Variants in COL5A1 observed in about 807,000 individuals in gnomAD.
COL5A1 encodes collagen alpha-1(V) chain.
Under a neutral mutation model 263.7 loss-of-function variants are expected in COL5A1, and 16 were observed. The ratio of observed to expected loss-of-function variants is 0.06; its 90% CI spans 0.04 to 0.09. The LOEUF is 0.09. Ranked by LOEUF, COL5A1 falls within the 10% of genes least tolerant of loss-of-function variation. The pLI is 1.00. For synonymous variants in COL5A1, 1,012 were observed against 1,004.5 expected, an observed-to-expected ratio of 1.01 and a Z score of -0.14; for missense variants, 2,036 against 2,540.5, an observed-to-expected ratio of 0.80 and a Z score of 4.27.
intron 1 of COL5A1, among the ~76,000 whole-genome samples, chr9:134,671,173 G>A (rs534926913): frequency 1.3e-5 from 2 of 152,290 alleles, no homozygotes; most frequent in South Asian, 2.1e-4. Flanking sequence ...GAGGGCAGAC[G>A]GAGCTGTTCA....
chr9:134,817,860 C>G, intron 54 of COL5A1, 29 bp downstream of exon 54: 1 of 1,577,482 alleles, frequency 6.3e-7, no homozygotes, highest in Non-Finnish European at 8.6e-7. Context: ...AGGCTGTGAC[C>G]GCGTAGACCT....
In COL5A1 at chr9:134,842,494, C is replaced by T. The variant is rs1830137361; in HGVS notation, c.*191C>T. Reference sequence around the variant, plus strand: ...GAGAGAACAGAGGGAAGGAGCCGCGCCCCCACCTGGAGCTGAATCACATGA... The same window carrying T: ...GAGAGAACAGAGGGAAGGAGCCGCGTCCCCACCTGGAGCTGAATCACATGA... On this transcript the variant is annotated 3_prime_UTR_variant, in exon 66 of 66. Transcript: ENST00000371817. This position sits in a 1 kb window ranked among gnomAD's most constrained non-coding sequence, Gnocchi z 5.8. The T allele has an allele frequency of 4.4e-6, 3 of 683,726 alleles. No homozygotes were observed. Among genetic ancestry groups the T allele is most frequent in the Admixed American group, 2.4e-5 (1 of 41,320 alleles). The allele number at this position is 683,726 out of a possible 1,614,324, so 42.4% of individuals were successfully genotyped here.
chr9:134,695,366 C>T (rs928575857), intron 2 of COL5A1, among the ~76,000 whole-genome samples: 5 of 152,214 alleles, frequency 3.3e-5, no homozygotes, highest in African/African-American at 7.2e-5. Context: ...TCGCTGCCCC[C>T]GCCAGTACCT....
chr9:134,654,073 TGTGTGTAGGGCTGGGG>T (rs1831798725), intron 1 of COL5A1, among the ~76,000 whole-genome samples: 1 of 23,828 alleles, frequency 4.2e-5, no homozygotes, highest in African/African-American at 1.8e-4. Context: ...CAGGGCTGGG[TGTGTGTAGGGCTGGGG>T]GTGTGTAGGA....
At chr9:134,825,536 C>T (rs565228042) in intron 62 of COL5A1, among the ~76,000 whole-genome samples, 10 of 152,278 alleles carry the variant, frequency 6.6e-5, no homozygotes, top group African/African-American at 2.4e-4. Flanking sequence ...CCCCAACCCT[C>T]CTGGCCACCA....
chr9:134,806,337 A>G, intron 42 of COL5A1, 41 bp downstream of exon 42: 1 of 1,410,684 alleles, frequency 7.1e-7, no homozygotes, highest in Non-Finnish European at 9.8e-7. Context: ...TCCCTCAGAG[A>G]TGCTGGGGTC....
At chr9:134,786,113 C>A in intron 31 of COL5A1, 65 bp downstream of exon 31, 4 of 1,428,332 alleles carry the variant, frequency 2.8e-6, no homozygotes, top group Non-Finnish European at 3.9e-6. Context: ...GTCTCCCCAC[C>A]CTGCATCCGG....
chr9:134,696,812 T>C lies in COL5A1; in HGVS notation c.278-3097T>C, dbSNP rs1276392262. Among the ~76,000 whole-genome samples, 1 of 152,130 alleles carries C rather than the reference T, an allele frequency of 6.6e-6. No individual in the cohort carries two copies. Among genetic ancestry groups the C allele is most frequent in the East Asian group, 1.9e-4 (1 of 5,172 alleles). ...CTGGCCGGGCGGGGTGGCTCACACC[T>C]GTAATCCCAGCACTTTGGGAGGCCA... On this transcript the variant is annotated intron_variant, in intron 2 of 65. Coordinates refer to ENST00000371817, the MANE Select transcript of COL5A1 (RefSeq NM_000093.5). This position sits in a 1 kb window ranked among gnomAD's most constrained non-coding sequence, Gnocchi z 4.3.
Position 134,841,144 on chromosome 9 carries a change from T to A in COL5A1, c.5371-1013T>A, listed in dbSNP as rs188180036. Among the ~76,000 whole-genome samples, 415 of 152,300 alleles carry A rather than the reference T, an allele frequency of 2.7e-3. 12 individuals are homozygous for A. The South Asian group carries it at 0.062, about 23-fold the overall frequency. On this transcript the variant is annotated intron_variant, in intron 65 of 65. Coordinates refer to ENST00000371817, the MANE Select transcript of COL5A1 (RefSeq NM_000093.5). The surrounding 1 kb of genome is among the most constrained non-coding windows in gnomAD (Gnocchi z 4.8). ...ATCATTTCTTTTGGGGATGGGGCAG[T>A]GGAAGGAGATCCTTCCCAGGCCCAG...
In COL5A1 at chr9:134,730,400, C is replaced by G. The variant is rs773870913; in HGVS notation, c.1089C>G (p.Asn363Lys). The part of the protein sequence containing the change: ...DDLTYGEGEE[N>K]PDQPTDPGAG... Reference sequence around the variant, plus strand: ...TCACCTATGGCGAGGGGGAGGAGAACCCCGACCAGCCCACAGACCCAGGCG... The same window carrying G: ...TCACCTATGGCGAGGGGGAGGAGAAGCCCGACCAGCCCACAGACCCAGGCG... Residue 363 changes from asparagine (N) to lysine (K), a missense_variant, in exon 7 of 66, where the codon AAC becomes AAG. By Grantham distance (94) the Asn-to-Lys change is moderately conservative. Transcript: ENST00000371817. 3 of 1,614,104 alleles carry G rather than the reference C, an allele frequency of 1.9e-6. No individual in the cohort carries two copies. Among genetic ancestry groups the G allele is most frequent in the Non-Finnish European group, 2.5e-6 (3 of 1,180,052 alleles).
At chr9:134,796,350 T>A (rs776322747) in intron 34 of COL5A1, 24 bp from the exon 35 acceptor site, 6 of 1,612,640 alleles carry the variant, frequency 3.7e-6, no homozygotes, top group Non-Finnish European at 3.4e-6. Flanking sequence ...CATAAGCTTT[T>A]CCCCCCTCTC....
At chr9:134,784,034 A>C (rs1009640515) in intron 29 of COL5A1, among the ~76,000 whole-genome samples, 1 of 152,036 alleles carries the variant, frequency 6.6e-6, no homozygotes, top group Non-Finnish European at 1.5e-5. Flanking sequence ...CGAGGGTGGG[A>C]TGCAGGGGTG....
intron 27 of COL5A1, among the ~76,000 whole-genome samples, chr9:134,779,164 TTCTC>T (rs148614277): frequency 6.6e-6 from 1 of 152,034 alleles, no homozygotes; most frequent in Non-Finnish European, 1.5e-5. Context: ...GCAGTGTGGC[TTCTC>T]TCTCTCTCTC....
intron 24 of COL5A1, among the ~76,000 whole-genome samples, chr9:134,768,089 G>C (rs1564446706): frequency 6.6e-6 from 1 of 152,210 alleles, no homozygotes; most frequent in Non-Finnish European, 1.5e-5. Context: ...AGAAGGCACA[G>C]CACTGTAAGA....
At chr9:134,655,557 T>A (rs1588408516) in intron 1 of COL5A1, among the ~76,000 whole-genome samples, 2 of 152,214 alleles carry the variant, frequency 1.3e-5, no homozygotes, top group Middle Eastern at 3.4e-3. Flanking sequence ...GACTCAGGAT[T>A]CACATGTGTA....
chr9:134,665,807 G>T (rs1326634431), intron 1 of COL5A1, among the ~76,000 whole-genome samples: 1 of 152,214 alleles, frequency 6.6e-6, no homozygotes, highest in African/African-American at 2.4e-5. Context: ...AAATAAAAAG[G>T]CCAGGCATGG....
chr9:134,763,969 G>C (rs1836560833), intron 20 of COL5A1, among the ~76,000 whole-genome samples: 1 of 150,048 alleles, frequency 6.7e-6, no homozygotes, highest in South Asian at 2.1e-4. Context: ...AGCAAGCCTG[G>C]CCCTCAAGGG....
chr9:134,810,429 G>C (rs868407999), intron 44 of COL5A1, 121 bp downstream of exon 44: 1 of 957,840 alleles, frequency 1.0e-6, no homozygotes. Flanking sequence ...GGGACATGCT[G>C]TGAAAATCTC....
At chr9:134,766,031 C>T (rs1041529302) in intron 21 of COL5A1, among the ~76,000 whole-genome samples, 2 of 152,202 alleles carry the variant, frequency 1.3e-5, no homozygotes, top group Admixed American at 6.5e-5. Flanking sequence ...AAGCAGAAAC[C>T]CAGGATGTCA....
Sources: allele counts gnomAD v4.1 joint callset (sites outside exome capture counted in the v4.1 genomes callset), GRCh38; gene constraint gnomAD v4.1.1; non-coding constraint Gnocchi (gnomAD v3.1); transcripts MANE v1.5; gene names NCBI Gene and HGNC (gene_info 2026-07-23, HGNC 2026-07-21).